The following POLD3 variants were observed in gnomAD, a reference collection of about 807,000 sequenced individuals.
POLD3 encodes the protein DNA polymerase delta 3, accessory subunit, also known as DNA polymerase delta subunit 3.
POLD3 carries 19 observed loss-of-function variants against 58.2 expected under a neutral mutation model. The ratio of observed to expected loss-of-function variants is 0.33; its 90% CI spans 0.23 to 0.48. The LOEUF (loss-of-function observed/expected upper bound fraction) is 0.48. POLD3 is among the 20% of genes least tolerant of loss of function. POLD3 has a pLI of 0.99. For synonymous variants in POLD3, 172 were observed against 193.5 expected (o/e 0.89, Z 0.92); for missense variants, 504 against 545.5 (o/e 0.92, Z 0.76).
At chr11:74,601,403 A>T (rs948125384) in intron 2 of POLD3, among the ~76,000 whole-genome samples, 1 of 152,204 alleles carries the variant, frequency 6.6e-6, no homozygotes, top group Non-Finnish European at 1.5e-5. Flanking sequence ...TCTAGAGGGG[A>T]TGCGTCATAT....
Position 74,642,743 on chromosome 11 carries a change from A to C in POLD3, c.*1977A>C. 1.0e-6 allele frequency: 1 copy of C among 984,230 alleles called. No individual in the cohort carries two copies. The highest frequency in any genetic ancestry group is 1.2e-6 in the Non-Finnish European group (1 of 828,894). 61.0% of individuals were successfully genotyped at this position (984,230 alleles called of 1,614,324 possible). ...TTTAAAACAGTGCTTCAAACTGAGT[A>C]TCTGATGAGTCTCTTATTTGATGGA... On this transcript the variant is annotated 3_prime_UTR_variant, in exon 12 of 12. Transcript: ENST00000263681.
intron 4 of POLD3, among the ~76,000 whole-genome samples, chr11:74,663,196 A>G (rs2033226371): frequency 6.6e-6 from 1 of 152,354 alleles, no homozygotes; most frequent in African/African-American, 2.4e-5. Context: ...CTATTCAGCT[A>G]TCTTACTCTG....
chr11:74,628,908 G>A (rs1439337838), intron 8 of POLD3: 1 of 208,470 alleles, frequency 4.8e-6, no homozygotes, highest in African/African-American at 2.3e-5. Flanking sequence ...TTTAATGCTT[G>A]TTGGATAATT....
intron 2 of POLD3, among the ~76,000 whole-genome samples, chr11:74,598,612 T>C (rs1469090824): frequency 5.9e-5 from 9 of 152,212 alleles, no homozygotes; most frequent in Non-Finnish European, 1.2e-4. Context: ...TGGTCATCTC[T>C]AGGCATCTTT....
In POLD3 at chr11:74,613,071, C is replaced by G. The variant is rs181021898; in HGVS notation, c.392+61C>G. 11 of 1,470,632 alleles carry G rather than the reference C, an allele frequency of 7.5e-6. No individual in the cohort carries two copies. In the African/African-American group the frequency reaches 1.4e-4, roughly 19 times the overall value. 91.1% of individuals were successfully genotyped at this position (1,470,632 alleles called of 1,614,324 possible). The stretch of plus-strand genomic sequence containing the variant: ...GAATTGATTTTGTAAGATGTTTACA[C>G]AGTGGCTGCCTCTTAAGAGTGAATG... On this transcript the variant is annotated intron_variant, in intron 5 of 11. Transcript: ENST00000263681.
At position 74,604,754 on chromosome 11, in the gene POLD3, C is replaced by G. The variant is rs1310579246; in HGVS notation, c.179C>G (p.Thr60Ser). ...KENSGAQLHV[T>S]YLVSGSLIQN... ...AATTCAGGAGCCCAACTGCATGTTA[C>G]CTACTTGGTGTCTGGCAGTCTCATT... The change falls in exon 3 of 12, where the codon ACC (threonine) becomes AGC (serine). Residue 60 changes from threonine (T) to serine (S), a missense_variant. This residue lies in a region of POLD3 where 119 missense variants were observed against 175.0 expected (regional missense o/e 0.68). Transcript: ENST00000263681. The G allele has an allele frequency of 6.2e-7, 1 of 1,610,190 alleles. No homozygotes were observed. The highest frequency in any genetic ancestry group is 2.2e-5 in the East Asian group (1 of 44,842).
In POLD3 at chr11:74,612,888, C is replaced by T; in HGVS notation, c.270C>T (p.Ser90=). ...VREDKLEAVK[S]KLAVTASIHV... ...CCTGTTGACTTGTAGCAGTGAAGTC[C>T]AAGCTAGCTGTGACTGCCAGCATCC... Residue 90 remains serine, a synonymous_variant, in exon 5 of 12, where the codon TCC becomes TCT. Transcript: ENST00000263681. 1 of 1,610,328 alleles carries T rather than the reference C, an allele frequency of 6.2e-7. No homozygotes were observed. The highest frequency in any genetic ancestry group is 1.1e-5 in the South Asian group (1 of 90,246).
intron 4 of POLD3, among the ~76,000 whole-genome samples, chr11:74,611,780 C>T (rs965104197): frequency 1.3e-5 from 2 of 152,188 alleles, no homozygotes; most frequent in Non-Finnish European, 2.9e-5. Flanking sequence ...AATTTCAAAA[C>T]TCGTGACACA....
chr11:74,659,212 G>C lies in POLD3; in HGVS notation c.370-9565G>C, dbSNP rs890448377. On this transcript the variant is annotated intron_variant, in intron 4 of 4. Coordinates refer to the POLD3 transcript ENST00000524752. ...TCCACCCTCTGAAGCCACAGCCTGA[G>C]CTGTACATTGGCCCCTTTCAGCCAC... Among the ~76,000 whole-genome samples, 3 of 152,332 alleles carry C rather than the reference G, an allele frequency of 2.0e-5. No individual in the cohort carries two copies. In the East Asian group the frequency reaches 5.8e-4, roughly 29 times the overall value.
intron 7 of POLD3, among the ~76,000 whole-genome samples, chr11:74,623,982 TTCAGA>T (rs2032348227): frequency 6.6e-6 from 1 of 152,224 alleles, no homozygotes; most frequent in Admixed American, 6.5e-5. Context: ...GGCATTTTAA[TTCAGA>T]TCAGTTTTCT....
intron 5 of POLD3, among the ~76,000 whole-genome samples, chr11:74,614,709 C>CA (rs5792660): frequency 0.46 from 67,147 of 145,824 alleles, 15,570 homozygotes; most frequent in Non-Finnish European, 0.51. Context: ...GACTCCAGCT[C>CA]AAAAAAAAAA....
At chr11:74,655,326 A>AGCTGT (rs1235943818) in intron 4 of POLD3, among the ~76,000 whole-genome samples, 1 of 152,278 alleles carries the variant, frequency 6.6e-6, no homozygotes, top group African/African-American at 2.4e-5. Context: ...CCCGCACCAC[A>AGCTGT]GACTCTATAG....
intron 4 of POLD3, among the ~76,000 whole-genome samples, chr11:74,657,672 A>G (rs1411163415): frequency 1.3e-5 from 2 of 152,212 alleles, no homozygotes; most frequent in Non-Finnish European, 2.9e-5. Context: ...TCTGCTTAAG[A>G]GTAGATTATA....
chr11:74,596,276 C>G (rs2031252538), intron 2 of POLD3, among the ~76,000 whole-genome samples: 1 of 151,522 alleles, frequency 6.6e-6, no homozygotes, highest in Admixed American at 6.6e-5. Context: ...CTCCGCCTCC[C>G]TGGTTCAAGC....
At chr11:74,646,846 A>G (rs1266185274), downstream of POLD3, among the ~76,000 whole-genome samples, 4 of 152,196 alleles carry the variant, frequency 2.6e-5, no homozygotes, top group African/African-American at 9.7e-5. Flanking sequence ...CTTGGTTTCA[A>G]GCTTATAAGG....
chr11:74,644,197 A>T (rs976051830), downstream of POLD3, among the ~76,000 whole-genome samples: 8 of 152,346 alleles, frequency 5.3e-5, no homozygotes, highest in African/African-American at 1.9e-4. Flanking sequence ...GAAGGGCCAT[A>T]TAAGGAAACT....
At chr11:74,644,894 C>T (rs546486930), downstream of POLD3, among the ~76,000 whole-genome samples, 7 of 152,104 alleles carry the variant, frequency 4.6e-5, no homozygotes, top group South Asian at 2.1e-4. Flanking sequence ...TGTCTTTTAC[C>T]GGACTGCTCT....
chr11:74,605,122 C>T (rs115981174), intron 3 of POLD3, among the ~76,000 whole-genome samples: 107 of 152,298 alleles, frequency 7.0e-4, no homozygotes, highest in African/African-American at 2.5e-3. Context: ...AAATTTCAAA[C>T]CATGAATACA....
intron 9 of POLD3, among the ~76,000 whole-genome samples, chr11:74,629,548 T>C (rs1048947681): frequency 2.6e-5 from 4 of 152,118 alleles, no homozygotes; most frequent in African/African-American, 9.7e-5. Flanking sequence ...ATAAGAATTA[T>C]TATTATACAT....
Sources: allele counts gnomAD v4.1 joint callset (sites outside exome capture counted in the v4.1 genomes callset), GRCh38; gene constraint gnomAD v4.1.1; regional missense constraint gnomAD v4.1.1; transcripts MANE v1.5; gene names NCBI Gene and HGNC (gene_info 2026-07-23, HGNC 2026-07-21).